Variants in SWAP70 observed in about 807,000 individuals in gnomAD.
SWAP70 encodes the protein switch-associated protein 70.
In SWAP70, 34 loss-of-function variants were observed where a neutral mutation model predicts 80.2. The ratio of observed to expected loss-of-function variants is 0.42; its 90% CI spans 0.32 to 0.56. The LOEUF (loss-of-function observed/expected upper bound fraction) is 0.56, where lower values mean the gene tolerates loss of function less well. Ranked by LOEUF, SWAP70 falls within the 20% of genes least tolerant of loss-of-function variation. The pLI is 0.09. For synonymous variants in SWAP70, 239 were observed against 238.5 expected, an observed-to-expected ratio of 1.00 and a Z score of -0.02; for missense variants, 578 against 690.7, an observed-to-expected ratio of 0.84 and a Z score of 1.83.
intron 1 of SWAP70, among the ~76,000 whole-genome samples, chr11:9,686,041 AT>A (rs1850627823): frequency 6.6e-6 from 1 of 151,872 alleles, no homozygotes; most frequent in Non-Finnish European, 1.5e-5. Flanking sequence ...TAATTTTTTA[AT>A]TTTCTATTTA....
At chr11:9,735,911 T>G (rs1408001515) in intron 7 of SWAP70, among the ~76,000 whole-genome samples, 2 of 152,206 alleles carry the variant, frequency 1.3e-5, no homozygotes, top group African/African-American at 4.8e-5. Context: ...TAGATTAATG[T>G]TTTGCCTTAA....
chr11:9,726,796 C>T (rs1851230656), intron 4 of SWAP70: 1 of 438,442 alleles, frequency 2.3e-6, no homozygotes, highest in Non-Finnish European at 4.6e-6. Context: ...ATTTGAGTCA[C>T]ACACCTTTGA....
chr11:9,717,886 T>TA (rs1851086196), intron 3 of SWAP70, among the ~76,000 whole-genome samples: 1 of 152,206 alleles, frequency 6.6e-6, no homozygotes, highest in Admixed American at 6.5e-5. Context: ...AGCACTTGCT[T>TA]AATGTGGATG....
chr11:9,690,103 G>A lies in SWAP70; in HGVS notation c.100-4043G>A, dbSNP rs188177059. Among the ~76,000 whole-genome samples the A allele has an allele frequency of 2.9e-3, 449 of 152,230 alleles. 2 individuals carry two copies. The highest frequency in any genetic ancestry group is 0.01 in the African/African-American group (421 of 41,534). On this transcript the variant is annotated intron_variant, in intron 1 of 11. Coordinates refer to ENST00000318950, the MANE Select transcript of SWAP70 (RefSeq NM_015055.4). ...TCCTAATCTCTGACTCAGCCTCTTC[G>A]TCTGTAAAATAGCAATAATATCTAT...
rs1268546148 is a variant in SWAP70 at position 9,664,234 on chromosome 11, C to A, written c.55C>A (p.Leu19Ile). The A allele has an allele frequency of 6.3e-7, 1 of 1,595,424 alleles. No individual in the cohort carries two copies. Among genetic ancestry groups the A allele is most frequent in the Admixed American group, 1.7e-5 (1 of 57,936 alleles). The part of the protein sequence containing the change: ...LKAIWHAFTA[L>I]DQDHSGKVSK... Reference sequence around the variant, plus strand: ...AGCCATCTGGCACGCCTTCACCGCACTCGACCAGGACCACAGCGGCAAGGT... The same window carrying A: ...AGCCATCTGGCACGCCTTCACCGCAATCGACCAGGACCACAGCGGCAAGGT... Residue 19 changes from leucine to isoleucine, a missense_variant, in exon 1 of 12, where the codon CTC (leucine) becomes ATC (isoleucine). By Grantham distance (5) the Leu-to-Ile change is conservative (BLOSUM62 2). Transcript: ENST00000318950.
intron 1 of SWAP70, among the ~76,000 whole-genome samples, chr11:9,690,216 C>A (rs1850679183): frequency 2.0e-5 from 3 of 152,108 alleles, no homozygotes; most frequent in South Asian, 4.1e-4. Context: ...TATGGAGGAG[C>A]TTTTACTTCT....
chr11:9,664,223 C>G lies in SWAP70; in HGVS notation c.44C>G (p.Ala15Gly). 6.3e-7 allele frequency: 1 copy of G among 1,595,168 alleles called. No homozygotes were observed. Residue 15 changes from alanine (A) to glycine (G), a missense_variant, in exon 1 of 12, where the codon GCC becomes GGC. Transcript: ENST00000318950. The part of the protein sequence containing the change: ...KEELLKAIWH[A>G]FTALDQDHSG... Reference sequence around the variant, plus strand: ...GAGCTGCTCAAAGCCATCTGGCACGCCTTCACCGCACTCGACCAGGACCAC... The same window carrying G: ...GAGCTGCTCAAAGCCATCTGGCACGGCTTCACCGCACTCGACCAGGACCAC...
intron 2 of SWAP70, among the ~76,000 whole-genome samples, chr11:9,711,305 G>C (rs1396172807): frequency 2.0e-5 from 3 of 152,068 alleles, no homozygotes; most frequent in Admixed American, 2.0e-4. Context: ...TCCTTAACAT[G>C]AATGATAAAT....
At chr11:9,723,409 A>G (rs1274415045) in intron 3 of SWAP70, among the ~76,000 whole-genome samples, 1 of 152,186 alleles carries the variant, frequency 6.6e-6, no homozygotes, top group Non-Finnish European at 1.5e-5. Flanking sequence ...ATTAAAAAAA[A>G]ATGCTGGTTG....
intron 1 of SWAP70, among the ~76,000 whole-genome samples, chr11:9,686,675 A>T (rs1308367888): frequency 6.6e-6 from 1 of 152,028 alleles, no homozygotes; most frequent in Non-Finnish European, 1.5e-5. Flanking sequence ...GCATTGTGTT[A>T]GGGTCATCTT....
intron 2 of SWAP70, among the ~76,000 whole-genome samples, chr11:9,695,738 T>TTTG (rs558959426): frequency 6.6e-6 from 1 of 152,210 alleles, no homozygotes; most frequent in East Asian, 1.9e-4. Flanking sequence ...TCCGTTTTTT[T>TTTG]TTGTTGTTGT....
At chr11:9,688,627 T>C (rs12577241) in intron 1 of SWAP70, among the ~76,000 whole-genome samples, 1 of 152,076 alleles carries the variant, frequency 6.6e-6, no homozygotes, top group African/African-American at 2.4e-5. Context: ...TTCTGTAGTC[T>C]TCTGATGATT....
At chr11:9,724,631 A>G in intron 3 of SWAP70, 27 bp from the exon 4 acceptor site, 1 of 1,538,512 alleles carries the variant, frequency 6.5e-7, no homozygotes, top group South Asian at 1.2e-5. Flanking sequence ...TTAACTAGGA[A>G]ATAATTATTT....
chr11:9,738,428 C>A, intron 8 of SWAP70, 108 bp downstream of exon 8: 1 of 687,876 alleles, frequency 1.5e-6, no homozygotes, highest in Non-Finnish European at 2.3e-6. Flanking sequence ...CTTGGCTTTG[C>A]TACTGACCTG....
intron 3 of SWAP70, chr11:9,720,171 T>A (rs1851116905): frequency 2.0e-6 from 2 of 985,332 alleles, no homozygotes; most frequent in Middle Eastern, 5.2e-4. Context: ...TGGCCCAATA[T>A]AATGAATCAA....
At chr11:9,688,480 C>G (rs1400018499) in intron 1 of SWAP70, among the ~76,000 whole-genome samples, 2 of 152,042 alleles carry the variant, frequency 1.3e-5, no homozygotes, top group East Asian at 3.8e-4. Flanking sequence ...GTACAAGTTG[C>G]CTGGGATGCA....
chr11:9,711,893 T>TA (rs1851003453), intron 2 of SWAP70, among the ~76,000 whole-genome samples: 1 of 152,220 alleles, frequency 6.6e-6, no homozygotes, highest in African/African-American at 2.4e-5. Flanking sequence ...GCCTTAGTTA[T>TA]ACCACCCTCC....
chr11:9,678,863 G>A (rs1049883904), intron 1 of SWAP70, among the ~76,000 whole-genome samples: 1 of 151,990 alleles, frequency 6.6e-6, no homozygotes, highest in Non-Finnish European at 1.5e-5. Context: ...TCTTAGGCAT[G>A]TCCTTGTTCC....
At chr11:9,671,757 T>TTTCTATGTATACGTAGAAATATAAATATA (rs1565109867) in intron 1 of SWAP70, among the ~76,000 whole-genome samples, 1 of 44,878 alleles carries the variant, frequency 2.2e-5, no homozygotes, top group Non-Finnish European at 4.6e-5. Context: ...TATAAATATA[T>TTTCTATGTATACGTAGAAATATAAATATA]AAATATATAA....
Sources: gnomAD v4.1 joint callset for allele counts (sites outside exome capture counted in the v4.1 genomes callset) on GRCh38, gnomAD v4.1.1 for gene constraint, MANE v1.5 for transcripts, NCBI Gene and HGNC (gene_info 2026-07-23, HGNC 2026-07-21) for gene names.